The following IMMP2L variants were observed in gnomAD, a reference collection of about 807,000 sequenced individuals.
IMMP2L encodes inner mitochondrial membrane peptidase subunit 2.
In IMMP2L, 18 loss-of-function variants were observed where a neutral mutation model predicts 19.3. The observed-to-expected ratio is 0.93, with a 90% CI of 0.64 to 1.38. The LOEUF is 1.38. IMMP2L is among the 40% of genes most tolerant of loss of function. The pLI is 0.00. For missense variants in IMMP2L, 233 were observed against 218.2 expected, an observed-to-expected ratio of 1.07 and a Z score of -0.43; for synonymous variants, 76 against 73.0, an observed-to-expected ratio of 1.04 and a Z score of -0.21.
chr7:110,943,210 AG>A (rs1350940498), intron 4 of IMMP2L, among the ~76,000 whole-genome samples: 4 of 152,010 alleles, frequency 2.6e-5, no homozygotes, highest in Non-Finnish European at 5.9e-5. Context: ...AGGTATTTTT[AG>A]GCCCTTTTGA....
chr7:110,749,832 C>T (rs1238266308), intron 5 of IMMP2L, among the ~76,000 whole-genome samples: 3 of 152,042 alleles, frequency 2.0e-5, no homozygotes, highest in Non-Finnish European at 4.4e-5. Context: ...ACCACCCTGG[C>T]ACATGTATAC....
chr7:111,300,379 T>C (rs577764618), intron 3 of IMMP2L, among the ~76,000 whole-genome samples: 1 of 152,162 alleles, frequency 6.6e-6, no homozygotes, highest in Non-Finnish European at 1.5e-5. Context: ...AAAGGGTTTT[T>C]CTTTAATTAA....
At chr7:110,731,801 G>A (rs901672624) in intron 5 of IMMP2L, among the ~76,000 whole-genome samples, 1 of 152,116 alleles carries the variant, frequency 6.6e-6, no homozygotes, top group African/African-American at 2.4e-5. Context: ...GGATGAAGTC[G>A]ATAAAAGGGA....
intron 3 of IMMP2L, among the ~76,000 whole-genome samples, chr7:111,464,366 A>C (rs1456008615): frequency 1.3e-5 from 2 of 152,162 alleles, no homozygotes; most frequent in African/African-American, 2.4e-5. Context: ...ACCTGCAGTC[A>C]CAGCTACTTG....
chr7:111,057,417 CAA>C (rs57175268), intron 3 of IMMP2L, among the ~76,000 whole-genome samples: 11,632 of 149,122 alleles, frequency 0.078, 568 homozygotes, highest in Middle Eastern at 0.19. Context: ...AGTCTAACAC[CAA>C]AAAAAAAAAA....
chr7:111,038,737 A>C (rs1041443914), intron 3 of IMMP2L, among the ~76,000 whole-genome samples: 2 of 152,204 alleles, frequency 1.3e-5, no homozygotes, highest in African/African-American at 4.8e-5. Context: ...AATATTTTTC[A>C]AGCCAATTTT....
chr7:110,858,680 G>A lies in IMMP2L; in HGVS notation c.408+27913C>T, dbSNP rs149523047. Among the ~76,000 whole-genome samples the A allele has an allele frequency of 4.1e-4, 63 of 151,978 alleles. 1 individual carries two copies. The highest frequency in any genetic ancestry group is 1.5e-3 in the African/African-American group (62 of 41,470). On this transcript the variant is annotated intron_variant, in intron 5 of 5. Coordinates refer to ENST00000405709, the MANE Select transcript of IMMP2L (RefSeq NM_032549.4). ...AGGTTAGTTACATATGTATACATGTGCCATGCTGGTGTGCTGCACCCATTA... is the reference window on the plus strand; with the variant it reads ...AGGTTAGTTACATATGTATACATGTACCATGCTGGTGTGCTGCACCCATTA...
intron 3 of IMMP2L, among the ~76,000 whole-genome samples, chr7:111,250,486 A>G (rs1403499744): frequency 1.3e-5 from 2 of 152,152 alleles, no homozygotes; most frequent in African/African-American, 2.4e-5. Context: ...GAGGTATCAC[A>G]CTACCTGACT....
At chr7:111,485,218 T>A (rs563481115) in intron 3 of IMMP2L, among the ~76,000 whole-genome samples, 21 of 152,318 alleles carry the variant, frequency 1.4e-4, no homozygotes, top group African/African-American at 5.1e-4. Context: ...AGCACTCTTT[T>A]ATGTAAATGG....
At chr7:111,033,538 T>C (rs1489756409) in intron 3 of IMMP2L, among the ~76,000 whole-genome samples, 1 of 152,228 alleles carries the variant, frequency 6.6e-6, no homozygotes, top group Non-Finnish European at 1.5e-5. Flanking sequence ...TATAGCAGCT[T>C]TATTCATAAT....
intron 5 of IMMP2L, among the ~76,000 whole-genome samples, chr7:110,846,350 T>TTC (rs1231232528): frequency 4.3e-5 from 5 of 115,792 alleles, no homozygotes; most frequent in African/African-American, 1.4e-4. Flanking sequence ...CCTGATTTCT[T>TTC]TTTTTTTTTT....
chr7:110,824,915 T>C (rs995577552), intron 5 of IMMP2L, among the ~76,000 whole-genome samples: 1 of 152,138 alleles, frequency 6.6e-6, no homozygotes, highest in Non-Finnish European at 1.5e-5. Flanking sequence ...TGTTTGCAGA[T>C]GACATGATTG....
intron 3 of IMMP2L, among the ~76,000 whole-genome samples, chr7:111,310,104 G>A (rs959243049): frequency 6.6e-6 from 1 of 151,840 alleles, no homozygotes; most frequent in South Asian, 2.1e-4. Context: ...GCATGGTGGT[G>A]TGTGCCTGTA....
chr7:110,912,944 A>G (rs1004413408), intron 4 of IMMP2L, among the ~76,000 whole-genome samples: 1 of 152,092 alleles, frequency 6.6e-6, no homozygotes, highest in African/African-American at 2.4e-5. Context: ...ACACATGGCT[A>G]GAGAGGGAAT....
intron 3 of IMMP2L, among the ~76,000 whole-genome samples, chr7:111,003,343 T>C (rs551974095): frequency 3.9e-5 from 6 of 152,322 alleles, no homozygotes; most frequent in Non-Finnish European, 8.8e-5. Flanking sequence ...TATCTGTTTA[T>C]GAATTATTTA....
chr7:110,850,138 T>G (rs1806053361), intron 5 of IMMP2L, among the ~76,000 whole-genome samples: 1 of 151,574 alleles, frequency 6.6e-6, no homozygotes, highest in Non-Finnish European at 1.5e-5. Flanking sequence ...AGAAAATAAA[T>G]AAGAAAAAAG....
At position 111,501,073 on chromosome 7, in the gene IMMP2L, G is replaced by A. The variant is rs1033239903; in HGVS notation, c.136-13732C>T. 5.3e-5 allele frequency among the ~76,000 whole-genome samples: 8 copies of A among 151,246 alleles called. No individual in the cohort carries two copies. In the East Asian group the frequency reaches 1.2e-3, roughly 22 times the overall value. ...CAATGGCAAAGAAGTTAAAAACTTT[G>A]AAAAAAAATTAGACGAATGGATACC... On this transcript the variant is annotated intron_variant, in intron 2 of 5. Coordinates refer to ENST00000405709, the MANE Select transcript of IMMP2L (RefSeq NM_032549.4).
At chr7:111,485,441 A>T (rs973841318) in intron 3 of IMMP2L, among the ~76,000 whole-genome samples, 1 of 151,904 alleles carries the variant, frequency 6.6e-6, no homozygotes, top group African/African-American at 2.4e-5. Context: ...TACTAAAAAT[A>T]CAAAAAATTA....
At chr7:110,819,211 A>G (rs1246924706) in intron 5 of IMMP2L, among the ~76,000 whole-genome samples, 3 of 152,038 alleles carry the variant, frequency 2.0e-5, no homozygotes, top group Non-Finnish European at 4.4e-5. Flanking sequence ...CTGTAACTTA[A>G]CTTGGGTGGA....
Sources: allele counts gnomAD v4.1 joint callset (sites outside exome capture counted in the v4.1 genomes callset), GRCh38; gene constraint gnomAD v4.1.1; transcripts MANE v1.5; gene names NCBI Gene and HGNC (gene_info 2026-07-23, HGNC 2026-07-21).